EPB41L4B: variants seen among roughly 807,000 people sequenced by gnomAD.
EPB41L4B encodes erythrocyte membrane protein band 4.1 like 4B.
In EPB41L4B, 30 loss-of-function variants were observed where a neutral mutation model predicts 112.5. That is an observed-to-expected ratio of 0.27 (90% CI 0.20 to 0.36). EPB41L4B has a LOEUF of 0.36. Among genes scored for constraint, EPB41L4B ranks in the 10% least tolerant of loss-of-function variants. The pLI, the probability that EPB41L4B is intolerant of heterozygous loss-of-function variation, is 1.00. For synonymous variants in EPB41L4B, 408 were observed against 439.7 expected (o/e 0.93, Z 0.90); for missense variants, 1,024 against 1,133.3 (o/e 0.90, Z 1.38).
intron 1 of EPB41L4B, 138 bp downstream of exon 1, chr9:109,320,003 G>A (rs972965941): frequency 4.9e-5 from 34 of 695,870 alleles, no homozygotes; most frequent in South Asian, 1.4e-4. Flanking sequence ...AAGGGTTGAG[G>A]AGTGCTCGGA....
At chr9:109,178,066 C>T (rs10979731) in intron 24 of EPB41L4B, among the ~76,000 whole-genome samples, 49,799 of 151,400 alleles carry the variant, frequency 0.33, 8,276 homozygotes, top group East Asian at 0.48. Context: ...ACTACAGGTG[C>T]GTGCCATGCC....
At chr9:109,177,628 C>G (rs1021620940) in intron 24 of EPB41L4B, among the ~76,000 whole-genome samples, 5 of 152,000 alleles carry the variant, frequency 3.3e-5, no homozygotes, top group African/African-American at 4.8e-5. Flanking sequence ...TCAAGACCAG[C>G]CTGGCCAACA....
chr9:109,242,146 C>A (rs546433291), intron 15 of EPB41L4B, among the ~76,000 whole-genome samples: 16 of 152,350 alleles, frequency 1.1e-4, no homozygotes, highest in Non-Finnish European at 8.8e-5. Context: ...CCAGCATGCA[C>A]CATGAATGCC....
chr9:109,275,164 C>A (rs1201056132), intron 2 of EPB41L4B, among the ~76,000 whole-genome samples: 1 of 152,194 alleles, frequency 6.6e-6, no homozygotes, highest in East Asian at 1.9e-4. Context: ...TGCTTCAGGG[C>A]TGGGCAGGGC....
At chr9:109,230,652 C>CT (rs1012750743) in intron 15 of EPB41L4B, among the ~76,000 whole-genome samples, 11 of 152,140 alleles carry the variant, frequency 7.2e-5, no homozygotes, top group African/African-American at 2.7e-4. Context: ...GGAAAGCATA[C>CT]TATTTGGCAA....
intron 22 of EPB41L4B, among the ~76,000 whole-genome samples, chr9:109,190,117 G>A (rs1203455976): frequency 6.6e-6 from 1 of 152,102 alleles, no homozygotes; most frequent in African/African-American, 2.4e-5. Context: ...CGCTGGTTCT[G>A]ATAGTGTCTT....
intron 1 of EPB41L4B, among the ~76,000 whole-genome samples, chr9:109,284,412 C>T (rs1836190358): frequency 6.6e-6 from 1 of 152,086 alleles, no homozygotes; most frequent in Non-Finnish European, 1.5e-5. Context: ...GGCTTTGTTC[C>T]CAAGTTTTTT....
Position 109,174,371 on chromosome 9 carries a change from C to A in EPB41L4B, c.*183G>T. The A allele has an allele frequency of 1.6e-6, 1 of 609,430 alleles. No homozygotes were observed. The highest frequency in any genetic ancestry group is 1.9e-5 in the South Asian group (1 of 51,662). 37.8% of individuals were successfully genotyped at this position (609,430 alleles called of 1,614,324 possible). ...ATAGAGTAATAGAAAAACTCTAATG[C>A]TTAGGAGACATAAAATAACTTTTCC... is the stretch of plus-strand genomic sequence containing the variant. On this transcript the variant is annotated 3_prime_UTR_variant, in exon 26 of 26. Transcript: ENST00000374566.
chr9:109,294,461 G>T (rs930024714), intron 1 of EPB41L4B, among the ~76,000 whole-genome samples: 2 of 151,782 alleles, frequency 1.3e-5, no homozygotes, highest in African/African-American at 4.8e-5. Flanking sequence ...CTAAAAATAA[G>T]AATTTAGCCA....
At chr9:109,287,699 T>C (rs1463035645) in intron 1 of EPB41L4B, among the ~76,000 whole-genome samples, 1 of 152,146 alleles carries the variant, frequency 6.6e-6, no homozygotes, top group African/African-American at 2.4e-5. Context: ...AGTGGTGTCA[T>C]CATGGCTAAC....
At chr9:109,186,019 A>G (rs1184989896) in intron 22 of EPB41L4B, among the ~76,000 whole-genome samples, 2 of 151,890 alleles carry the variant, frequency 1.3e-5, no homozygotes, top group African/African-American at 4.8e-5. Flanking sequence ...TGACTTAGTG[A>G]TGTGAGCCAT....
At chr9:109,179,320 C>A (rs979011441) in intron 24 of EPB41L4B, among the ~76,000 whole-genome samples, 1 of 152,244 alleles carries the variant, frequency 6.6e-6, no homozygotes, top group Admixed American at 6.5e-5. Context: ...TGCTAAACAA[C>A]CCCTGTCACT....
intron 1 of EPB41L4B, among the ~76,000 whole-genome samples, chr9:109,313,044 C>T (rs1837476476): frequency 6.6e-6 from 1 of 152,092 alleles, no homozygotes; most frequent in Non-Finnish European, 1.5e-5. Flanking sequence ...AGTTCCAGGC[C>T]AGCCTGGGCA....
At chr9:109,190,909 T>C (rs987872231) in intron 22 of EPB41L4B, among the ~76,000 whole-genome samples, 2 of 152,180 alleles carry the variant, frequency 1.3e-5, no homozygotes, top group Non-Finnish European at 2.9e-5. Context: ...CCTCTACTTC[T>C]GGCTCCTTCC....
intron 1 of EPB41L4B, among the ~76,000 whole-genome samples, chr9:109,295,939 C>T (rs1252361744): frequency 6.6e-6 from 1 of 152,010 alleles, no homozygotes; most frequent in South Asian, 2.1e-4. Context: ...CCTCACTAAA[C>T]AGTAACATGC....
intron 22 of EPB41L4B, among the ~76,000 whole-genome samples, chr9:109,187,116 G>A (rs2118651057): frequency 6.6e-6 from 1 of 152,262 alleles, no homozygotes; most frequent in African/African-American, 2.4e-5. Flanking sequence ...GTTTCAGGGA[G>A]GGACCATTTG....
intron 1 of EPB41L4B, among the ~76,000 whole-genome samples, chr9:109,290,879 T>C (rs555107577): frequency 1.1e-3 from 174 of 152,118 alleles, no homozygotes; most frequent in Non-Finnish European, 2.1e-3. Flanking sequence ...TAAATACGAA[T>C]ATCTGAAATT....
At chr9:109,188,956 G>A (rs570735042) in intron 22 of EPB41L4B, among the ~76,000 whole-genome samples, 28 of 152,290 alleles carry the variant, frequency 1.8e-4, no homozygotes, top group Non-Finnish European at 3.1e-4. Context: ...GGTAGACTTG[G>A]AGTAGCGTGC....
intron 1 of EPB41L4B, among the ~76,000 whole-genome samples, chr9:109,316,896 G>A (rs935980134): frequency 3.3e-5 from 5 of 152,122 alleles, no homozygotes; most frequent in African/African-American, 7.2e-5. Flanking sequence ...GAGCCTACAC[G>A]TTTGAGACCA....
Sources: allele counts gnomAD v4.1 joint callset (sites outside exome capture counted in the v4.1 genomes callset), GRCh38; gene constraint gnomAD v4.1.1; transcripts MANE v1.5; gene names NCBI Gene and HGNC (gene_info 2026-07-23, HGNC 2026-07-21).